Variants in IL1RAPL1 observed in about 807,000 individuals in gnomAD.
IL1RAPL1 encodes interleukin-1 receptor accessory protein-like 1.
IL1RAPL1 carries 3 observed loss-of-function variants against 48.4 expected under a neutral mutation model. That is an observed-to-expected ratio of 0.06 (90% CI 0.03 to 0.16). The LOEUF is 0.16. Ranked by LOEUF, IL1RAPL1 falls within the 10% of genes least tolerant of loss-of-function variation. The probability of loss-of-function intolerance (pLI) is 1.00; values close to 1 mark genes in which losing one functional copy is unlikely to be tolerated. For missense variants in IL1RAPL1, 349 were observed against 530.6 expected, an observed-to-expected ratio of 0.66 and a Z score of 3.36; for synonymous variants, 185 against 187.7, an observed-to-expected ratio of 0.99 and a Z score of 0.12.
intron 2 of IL1RAPL1, among the ~76,000 whole-genome samples, chrX:28,882,812 A>C (rs1018695292): frequency 1.8e-5 from 2 of 112,214 alleles, no homozygotes; most frequent in African/African-American, 6.5e-5. Context: ...AAAATATTAA[A>C]ATTTTTGATA....
chrX:29,760,125 TGCACAATCATTGCGAGATGGGGAGTGGA>T (rs989869280), intron 6 of IL1RAPL1, among the ~76,000 whole-genome samples: 21 of 111,959 alleles, frequency 1.9e-4, no homozygotes, highest in Non-Finnish European at 3.6e-4. Flanking sequence ...TTAATCCGTC[TGCACAATCATTGCGAGATGGGGAGTGGA>T]TAGGCTTCCC....
chrX:29,222,361 G>T (rs1377333928), intron 2 of IL1RAPL1, among the ~76,000 whole-genome samples: 1 of 111,615 alleles, frequency 9.0e-6, no homozygotes, highest in Non-Finnish European at 1.9e-5. Flanking sequence ...AGCTTCCTAG[G>T]ATTCTTGTTA....
In IL1RAPL1 at chrX:29,509,948, C is replaced by T. The variant is rs191765775; in HGVS notation, c.703+110640C>T. On this transcript the variant is annotated intron_variant, in intron 5 of 10. Transcript: ENST00000378993. ...AATGTCAAGAGTAAACTGTAAAAGA[C>T]AATGGGATCACTCATAGTAATTACT... Among the ~76,000 whole-genome samples, 11 of 111,726 alleles carry T rather than the reference C, an allele frequency of 9.8e-5. No individual in the cohort carries two copies. In the East Asian group the frequency reaches 3.1e-3, roughly 31 times the overall value.
chrX:28,905,527 G>A (rs934419928), intron 2 of IL1RAPL1, among the ~76,000 whole-genome samples: 1 of 111,420 alleles, frequency 9.0e-6, no homozygotes, highest in African/African-American at 3.3e-5. Flanking sequence ...AATTGGGGTG[G>A]GAATGGAATG....
intron 3 of IL1RAPL1, among the ~76,000 whole-genome samples, chrX:29,283,922 T>TA (rs1028583054): frequency 2.7e-5 from 3 of 112,906 alleles, no homozygotes; most frequent in African/African-American, 9.6e-5. Context: ...CATTCGCAGT[T>TA]AAAAACCTCA....
intron 6 of IL1RAPL1, among the ~76,000 whole-genome samples, chrX:29,775,937 G>T (rs1479247992): frequency 2.7e-5 from 3 of 110,802 alleles, no homozygotes; most frequent in Non-Finnish European, 5.7e-5. Context: ...CTGCCACCTT[G>T]CACCCCCGTT....
intron 2 of IL1RAPL1, among the ~76,000 whole-genome samples, chrX:29,195,621 G>A (rs999772894): frequency 4.0e-5 from 4 of 100,565 alleles, no homozygotes; most frequent in African/African-American, 1.5e-4. Flanking sequence ...GTGCAGTGGC[G>A]CCATCTGGGC....
At chrX:29,912,269 A>T (rs1287117788) in intron 6 of IL1RAPL1, among the ~76,000 whole-genome samples, 1 of 111,688 alleles carries the variant, frequency 9.0e-6, no homozygotes, top group Non-Finnish European at 1.9e-5. Flanking sequence ...CTGTGGAGAC[A>T]TGTAGACATG....
intron 5 of IL1RAPL1, among the ~76,000 whole-genome samples, chrX:29,482,864 T>C (rs750138315): frequency 2.6e-3 from 289 of 112,021 alleles, no homozygotes; most frequent in Non-Finnish European, 4.7e-3. Context: ...TTTTATTCCA[T>C]CGATTCTGAT....
chrX:29,472,515 T>C (rs1435267720), intron 5 of IL1RAPL1, among the ~76,000 whole-genome samples: 1 of 112,341 alleles, frequency 8.9e-6, no homozygotes, highest in Non-Finnish European at 1.9e-5. Context: ...GACTAATTTA[T>C]TTACCCTGAA....
chrX:29,506,475 C>CTCA (rs1180417930), intron 5 of IL1RAPL1, among the ~76,000 whole-genome samples: 1 of 107,800 alleles, frequency 9.3e-6, no homozygotes, highest in Non-Finnish European at 1.9e-5. Flanking sequence ...CCTTCTCATT[C>CTCA]TTCTTCTTCT....
chrX:29,902,920 T>C (rs766211012), intron 6 of IL1RAPL1, among the ~76,000 whole-genome samples: 331 of 111,571 alleles, frequency 3.0e-3, no homozygotes, highest in African/African-American at 0.01. Flanking sequence ...TCTTGTGATT[T>C]TGTCTCCTTG....
At chrX:28,953,124 A>G (rs1246248358) in intron 2 of IL1RAPL1, among the ~76,000 whole-genome samples, 1 of 111,635 alleles carries the variant, frequency 9.0e-6, no homozygotes, top group Non-Finnish European at 1.9e-5. Context: ...GGACTCTTGA[A>G]TATGGACTAT....
chrX:28,740,892 C>T (rs1156697440), intron 1 of IL1RAPL1, among the ~76,000 whole-genome samples: 4 of 111,766 alleles, frequency 3.6e-5, no homozygotes. Context: ...TCTAGTCCAC[C>T]ATTGATGGAC....
At position 29,447,361 on chromosome X, in the gene IL1RAPL1, CA is replaced by C. The variant is rs201133185; in HGVS notation, c.703+48065del. 6.3e-3 allele frequency among the ~76,000 whole-genome samples: 550 copies of C among 87,016 alleles called. 5 individuals are homozygous for C. The highest frequency in any genetic ancestry group is 0.011 in the African/African-American group (259 of 24,442). 75.6% of individuals were successfully genotyped at this position (87,016 alleles called of 115,157 possible). A position where few individuals can be genotyped will look rare whatever the true frequency, so the allele number is the denominator to read the frequency against. ...AAAAGATGTTTCATTCATTGCTTTC[CA>C]AAAAAAAAAAAGCAAAATAATTTAT... On this transcript the variant is annotated intron_variant, in intron 5 of 10. Transcript: ENST00000378993.
At chrX:28,945,885 A>ATGTG (rs201614700) in intron 2 of IL1RAPL1, among the ~76,000 whole-genome samples, 3 of 97,611 alleles carry the variant, frequency 3.1e-5, no homozygotes, top group African/African-American at 7.7e-5. Flanking sequence ...TTATATATGT[A>ATGTG]TGTATATATA....
At chrX:29,009,978 G>C (rs2147394330) in intron 2 of IL1RAPL1, among the ~76,000 whole-genome samples, 1 of 111,634 alleles carries the variant, frequency 9.0e-6, no homozygotes, top group African/African-American at 3.3e-5. Flanking sequence ...TACCTCCTTG[G>C]TTAGATGTAT....
At chrX:29,743,985 A>AT (rs1569158512) in intron 6 of IL1RAPL1, among the ~76,000 whole-genome samples, 1 of 111,758 alleles carries the variant, frequency 8.9e-6, no homozygotes, top group African/African-American at 3.2e-5. Context: ...AAATACATGA[A>AT]TGAATGAACA....
At chrX:29,167,209 A>G (rs1929802412) in intron 2 of IL1RAPL1, among the ~76,000 whole-genome samples, 1 of 110,831 alleles carries the variant, frequency 9.0e-6, no homozygotes, top group Admixed American at 9.8e-5. Context: ...TTTATTTTTT[A>G]CATAATATAT....
Sources: gnomAD v4.1 joint callset for allele counts (sites outside exome capture counted in the v4.1 genomes callset) on GRCh38, gnomAD v4.1.1 for gene constraint, MANE v1.5 for transcripts, NCBI Gene and HGNC (gene_info 2026-07-23, HGNC 2026-07-21) for gene names.